TNFRSF10B: variants seen among roughly 807,000 people sequenced by gnomAD.
The protein encoded by TNFRSF10B is tumor necrosis factor receptor superfamily member 10B.
A neutral mutation model predicts 41.4 loss-of-function variants in TNFRSF10B; 35 were observed. The ratio of observed to expected loss-of-function variants is 0.85; its 90% CI spans 0.65 to 1.12. TNFRSF10B has a LOEUF of 1.12. TNFRSF10B is among the 50% of genes most tolerant of loss of function. The probability of loss-of-function intolerance (pLI) is 0.00; values close to 1 mark genes in which losing one functional copy is unlikely to be tolerated. For synonymous variants in TNFRSF10B, 230 were observed against 215.5 expected, an observed-to-expected ratio of 1.07 and a Z score of -0.59; for missense variants, 584 against 552.7, an observed-to-expected ratio of 1.06 and a Z score of -0.57.
rs1308583224 is a variant in TNFRSF10B, at chr8:23,028,433, T to C, written c.646A>G (p.Ile216Val). 1 of 1,614,152 alleles carries C rather than the reference T, an allele frequency of 6.2e-7. No homozygotes were observed. The highest frequency in any genetic ancestry group is 8.5e-7 in the Non-Finnish European group (1 of 1,180,008). Residue 216 changes from isoleucine to valine, a missense_variant, in exon 5 of 9, where the codon ATA becomes GTA. Physicochemically the swap from Ile to Val is conservative, Grantham distance 29. Coordinates refer to ENST00000276431, the MANE Select transcript of TNFRSF10B (RefSeq NM_003842.5). ...ACTACGGCTGCAACTGTGACTCCTATGATGATGCCTGAGAGAGAACAGGGA... is the reference window on the plus strand; with the variant it reads ...ACTACGGCTGCAACTGTGACTCCTACGATGATGCCTGAGAGAGAACAGGGA... ...ASPCSLSGII[I>V]GVTVAAVVLI...
chr8:23,020,431 C>G lies in TNFRSF10B; in HGVS notation c.*2240G>C, dbSNP rs1811476912. 2.2e-6 allele frequency: 1 copy of G among 453,998 alleles called. No homozygotes were observed. Among genetic ancestry groups the G allele is most frequent in the Non-Finnish European group, 4.4e-6 (1 of 226,800 alleles). The allele number at this position is 453,998 out of a possible 1,614,324, so 28.1% of individuals were successfully genotyped here. On this transcript the variant is annotated 3_prime_UTR_variant, in exon 9 of 9. Transcript: ENST00000276431. The stretch of plus-strand genomic sequence containing the variant: ...GAATAGCTTGGCCTGGCTGGTGGCT[C>G]ACGCCTGTAATCCCAGCACTTTCGG...
At chr8:23,028,702 G>T in intron 4 of TNFRSF10B, 100 bp from the exon 5 acceptor site, 2 of 1,450,372 alleles carry the variant, frequency 1.4e-6, no homozygotes, top group Non-Finnish European at 1.9e-6. Context: ...CCCTGAGAAG[G>T]TGTCAGGGGA....
rs1278184603 is a variant in TNFRSF10B at position 23,068,302 on chromosome 8, T to A, written c.144+449A>T. ...GCCGCAGGTTCAAAGCGATCTGCAA[T>A]GAGCGCCTTTAGGAATTCATTCGAA... On this transcript the variant is annotated intron_variant, in intron 1 of 8. Transcript: ENST00000276431. 4 of 201,144 alleles carry A rather than the reference T, an allele frequency of 2.0e-5. No individual in the cohort carries two copies. The South Asian group carries it at 2.2e-4, about 11-fold the overall frequency. The allele number at this position is 201,144 out of a possible 1,614,324, so 12.5% of individuals were successfully genotyped here.
In TNFRSF10B at chr8:23,022,990, G is replaced by A. The variant is rs1314051955; in HGVS notation, c.1010-6C>T. ...ATCGAAGCACTGTCTCAGAGCTGGT[G>A]GAGAAAGCCACAGAGACAGCCAGGT... On this transcript the variant is annotated splice_region_variant and splice_polypyrimidine_tract_variant and intron_variant, in intron 8 of 8. Transcript: ENST00000276431. The A allele has an allele frequency of 3.1e-6, 5 of 1,609,648 alleles. No homozygotes were observed. Among genetic ancestry groups the A allele is most frequent in the Non-Finnish European group, 4.2e-6 (5 of 1,179,996 alleles).
In TNFRSF10B at chr8:23,040,366, A is replaced by ATT. The variant is rs1320273834; in HGVS notation, c.250+2771_250+2772insAA. ...TTAAATATATACAAAATATATATTT[A>ATT]ATAAATATATATACAAAATATATAT... On this transcript the variant is annotated intron_variant, in intron 2 of 8. Transcript: ENST00000276431. Among the ~76,000 whole-genome samples, 300 of 38,542 alleles carry ATT rather than the reference A, an allele frequency of 7.8e-3. 114 individuals are homozygous for ATT. Among genetic ancestry groups the ATT allele is most frequent in the Non-Finnish European group, 0.012 (234 of 18,794 alleles). The allele number at this position is 38,542 out of a possible 152,430, so 25.3% of individuals were successfully genotyped here.
At chr8:23,045,941 C>CAA (rs35605183) in intron 1 of TNFRSF10B, among the ~76,000 whole-genome samples, 10 of 151,818 alleles carry the variant, frequency 6.6e-5, no homozygotes, top group African/African-American at 9.7e-5. Flanking sequence ...TGTATCAACA[C>CAA]AAAAAAAGCC....
chr8:23,023,029 G>C (rs763349309), intron 8 of TNFRSF10B, 45 bp from the exon 9 acceptor site: 3 of 1,597,834 alleles, frequency 1.9e-6, no homozygotes, highest in African/African-American at 2.7e-5. Flanking sequence ...TTGGGACTCA[G>C]AAAGGGCAGA....
rs985666275 is a variant in TNFRSF10B, at chr8:23,045,233, T to TA, written c.145-1991dup. ...CAACAGAGGGAGACTCTGTCTCAAA[T>TA]AAAAAAAAAAATGAGACACATTACA... is the stretch of plus-strand genomic sequence containing the variant. On this transcript the variant is annotated intron_variant, in intron 1 of 8. Transcript: ENST00000276431. Among the ~76,000 whole-genome samples, 165 of 139,220 alleles carry TA rather than the reference T, an allele frequency of 1.2e-3. 2 individuals are homozygous for TA. Among genetic ancestry groups the TA allele is most frequent in the East Asian group, 4.1e-3 (20 of 4,862 alleles). 91.3% of individuals were successfully genotyped at this position (139,220 alleles called of 152,430 possible).
At chr8:23,033,503 C>T (rs1368742585) in intron 2 of TNFRSF10B, among the ~76,000 whole-genome samples, 9 of 138,884 alleles carry the variant, frequency 6.5e-5, no homozygotes, top group African/African-American at 8.1e-5. Flanking sequence ...AGGAGAATGG[C>T]GTGAAACCCA....
chr8:23,033,775 C>A (rs755653903), intron 2 of TNFRSF10B, among the ~76,000 whole-genome samples: 1 of 151,954 alleles, frequency 6.6e-6, no homozygotes, highest in Non-Finnish European at 1.5e-5. Flanking sequence ...TGTGCATTTG[C>A]GTAACCTCTT....
rs567983725 is a variant in TNFRSF10B, at chr8:23,027,048, AG to A, written c.936+84del. 220 of 1,601,148 alleles carry A rather than the reference AG, an allele frequency of 1.4e-4. No homozygotes were observed. In the African/African-American group the frequency reaches 2.7e-3, roughly 20 times the overall value. On this transcript the variant is annotated intron_variant, in intron 7 of 8. Transcript: ENST00000276431. Reference sequence around the variant, plus strand: ...GGTTCCATTTCCCCTGGGCCAGGAGAGCTAAGGCACTGCCCTCTCCCACTGT... The same window carrying A: ...GGTTCCATTTCCCCTGGGCCAGGAGACTAAGGCACTGCCCTCTCCCACTGT...
chr8:23,041,603 T>TA (rs199893473), intron 2 of TNFRSF10B, among the ~76,000 whole-genome samples: 6,550 of 121,136 alleles, frequency 0.054, 276 homozygotes, highest in Admixed American at 0.11. Context: ...CTCAATGATT[T>TA]AAAAAAAAAA....
Position 23,020,670 on chromosome 8 carries a change from CGA to C in TNFRSF10B, c.*1999_*2000del, listed in dbSNP as rs1563301592. ...TCGTACCGTTGCACTCCAGCCTGGG[CGA>C]GAGAGTGAGATTCTGTCTCAAAAAA... On this transcript the variant is annotated 3_prime_UTR_variant, in exon 9 of 9. Transcript: ENST00000276431. 2.2e-6 allele frequency: 1 copy of C among 453,808 alleles called. No homozygotes were observed. The highest frequency in any genetic ancestry group is 2.4e-5 in the Admixed American group (1 of 42,548). 28.1% of individuals were successfully genotyped at this position (453,808 alleles called of 1,614,324 possible).
Position 23,021,731 on chromosome 8 carries a change from T to A in TNFRSF10B, c.*940A>T, listed in dbSNP as rs915892752. On this transcript the variant is annotated 3_prime_UTR_variant, in exon 9 of 9. Coordinates refer to ENST00000276431, the MANE Select transcript of TNFRSF10B (RefSeq NM_003842.5). ...AAATAATACTCATATACTTGTAAGG[T>A]TGTCCAGTTCAAAAGACTGGCCCCT... is the stretch of plus-strand genomic sequence containing the variant. 2.2e-5 allele frequency: 10 copies of A among 453,988 alleles called. No individual in the cohort carries two copies. The highest frequency in any genetic ancestry group is 2.1e-4 in the Admixed American group (9 of 42,548). The allele number at this position is 453,988 out of a possible 1,614,324, so 28.1% of individuals were successfully genotyped here. A position where few individuals can be genotyped will look rare whatever the true frequency, so the allele number is the denominator to read the frequency against.
chr8:23,028,663 A>T lies in TNFRSF10B; in HGVS notation c.477-61T>A. 3.1e-6 allele frequency: 5 copies of T among 1,600,960 alleles called. No individual in the cohort carries two copies. In the South Asian group the frequency reaches 5.5e-5, roughly 18 times the overall value. ...GATGGAAAGCTGGCCAGGTGGGATG[A>T]AAGAGGAGCCACCCTCCCTCCCCAG... On this transcript the variant is annotated intron_variant, in intron 4 of 8. Coordinates refer to ENST00000276431, the MANE Select transcript of TNFRSF10B (RefSeq NM_003842.5).
At chr8:23,062,005 T>G (rs562677487) in intron 1 of TNFRSF10B, among the ~76,000 whole-genome samples, 1 of 152,310 alleles carries the variant, frequency 6.6e-6, no homozygotes, top group Admixed American at 6.5e-5. Flanking sequence ...TCTTGTAATA[T>G]CTTTATCTGC....
chr8:23,068,715 G>A (rs1462611696), intron 1 of TNFRSF10B, 36 bp downstream of exon 1: 1 of 1,550,722 alleles, frequency 6.4e-7, no homozygotes, highest in Non-Finnish European at 8.7e-7. Flanking sequence ...CGCCAGGCAC[G>A]CTCTTCCCCA....
chr8:23,028,456 G>A lies in TNFRSF10B; in HGVS notation c.623C>T (p.Pro208Leu). Residue 208 changes from proline to leucine, a missense_variant, in exon 5 of 9, where the codon CCC becomes CTC. Pro to Leu is a moderately conservative substitution (Grantham distance 98, BLOSUM62 -3). Coordinates refer to ENST00000276431, the MANE Select transcript of TNFRSF10B (RefSeq NM_003842.5). ...VTSSPGTPAS[P>L]CSLSGIIIGV... ...TATGATGATGCCTGAGAGAGAACAG[G>A]GAGAGGCAGGAGTCCCTGGGCTGGA... is the stretch of plus-strand genomic sequence containing the variant. 1.2e-6 allele frequency: 2 copies of A among 1,614,174 alleles called. No homozygotes were observed. Among genetic ancestry groups the A allele is most frequent in the East Asian group, 2.2e-5 (1 of 44,880 alleles).
intron 1 of TNFRSF10B, among the ~76,000 whole-genome samples, chr8:23,055,499 C>T (rs1563322070): frequency 7.3e-6 from 1 of 137,022 alleles, no homozygotes; most frequent in African/African-American, 2.7e-5. Context: ...TAATCAAGTG[C>T]TTAAGTTAAC....
Sources: gnomAD v4.1 joint callset for allele counts (sites outside exome capture counted in the v4.1 genomes callset) on GRCh38, gnomAD v4.1.1 for gene constraint, MANE v1.5 for transcripts, NCBI Gene and HGNC (gene_info 2026-07-23, HGNC 2026-07-21) for gene names.